Variants in KATNAL1 observed in about 807,000 individuals in gnomAD.
The protein encoded by KATNAL1 is katanin catalytic subunit A1 like 1.
KATNAL1 carries 32 observed loss-of-function variants against 55.2 expected under a neutral mutation model. That is an observed-to-expected ratio of 0.58 (90% CI 0.44 to 0.78). The LOEUF (loss-of-function observed/expected upper bound fraction) is 0.78, where lower values mean the gene tolerates loss of function less well. Among genes scored for constraint, KATNAL1 ranks in the 30% least tolerant of loss-of-function variants. KATNAL1 has a pLI of 0.00. For missense variants in KATNAL1, 466 were observed against 600.9 expected (o/e 0.78, Z 2.35); for synonymous variants, 193 against 193.6 (o/e 1.00, Z 0.02).
intron 1 of KATNAL1, among the ~76,000 whole-genome samples, chr13:30,304,396 A>T (rs952553825): frequency 2.6e-5 from 4 of 151,498 alleles, no homozygotes; most frequent in African/African-American, 9.7e-5. Context: ...CAGCCTCCTG[A>T]GTAGCTGGGA....
At chr13:30,241,150 C>T in intron 4 of KATNAL1, 64 bp from the exon 5 acceptor site, 2 of 1,364,266 alleles carry the variant, frequency 1.5e-6, no homozygotes, top group Non-Finnish European at 2.0e-6. Context: ...CATCATTACG[C>T]TTTGAAAACA....
intron 1 of KATNAL1, among the ~76,000 whole-genome samples, chr13:30,291,401 T>G (rs1882123149): frequency 6.6e-6 from 1 of 152,226 alleles, no homozygotes; most frequent in South Asian, 2.1e-4. Flanking sequence ...TATTAAAATC[T>G]AAGAGAATTA....
At chr13:30,236,747 C>T (rs1164033384) in intron 6 of KATNAL1, among the ~76,000 whole-genome samples, 2 of 152,178 alleles carry the variant, frequency 1.3e-5, no homozygotes, top group Non-Finnish European at 1.5e-5. Context: ...AGAAGTAGGT[C>T]ACACCAACCA....
At chr13:30,249,505 C>G (rs1008189146) in intron 4 of KATNAL1, among the ~76,000 whole-genome samples, 5 of 152,052 alleles carry the variant, frequency 3.3e-5, no homozygotes, top group Admixed American at 3.3e-4. Flanking sequence ...ACCCAAATAT[C>G]CATTAATAAG....
chr13:30,294,211 C>A (rs1188975369), intron 1 of KATNAL1, among the ~76,000 whole-genome samples: 1 of 152,146 alleles, frequency 6.6e-6, no homozygotes, highest in Non-Finnish European at 1.5e-5. Flanking sequence ...CTAAGCTTAG[C>A]AAGCAAGGCA....
At chr13:30,250,534 A>T (rs545390504) in intron 4 of KATNAL1, among the ~76,000 whole-genome samples, 20 of 152,206 alleles carry the variant, frequency 1.3e-4, no homozygotes, top group Non-Finnish European at 1.6e-4. Flanking sequence ...AATATTTTCT[A>T]TGAAGTCACT....
At chr13:30,221,932 T>A (rs988033380) in intron 9 of KATNAL1, among the ~76,000 whole-genome samples, 1 of 152,110 alleles carries the variant, frequency 6.6e-6, no homozygotes, top group African/African-American at 2.4e-5. Flanking sequence ...ACACCTGTAA[T>A]CCCAGCTACT....
chr13:30,280,347 CA>C, intron 2 of KATNAL1, 124 bp from the exon 3 acceptor site: 2 of 645,706 alleles, frequency 3.1e-6, no homozygotes, highest in Non-Finnish European at 4.7e-6. Context: ...ATCATTAAAA[CA>C]TTCATAAATA....
rs1317152308 is a variant in KATNAL1, at chr13:30,230,494, T to C, written c.986A>G (p.Lys329Arg). 20 of 1,613,408 alleles carry C rather than the reference T, an allele frequency of 1.2e-5. No individual in the cohort carries two copies. The highest frequency in any genetic ancestry group is 1.7e-5 in the Non-Finnish European group (20 of 1,179,792). ...SDEHEASRRV[K>R]SELLIQMDGV... is the part of the protein sequence containing the mutation. ...ATCCATCTGAATGAGCAGTTCAGAC[T>C]TGACCCTGCGACTTGCCTCATGTTC... Residue 329 changes from lysine to arginine, a missense_variant, in exon 8 of 11, where the codon AAG becomes AGG. Lys to Arg is a conservative substitution (Grantham distance 26). Coordinates refer to ENST00000380615, the MANE Select transcript of KATNAL1 (RefSeq NM_032116.5).
intron 1 of KATNAL1, among the ~76,000 whole-genome samples, chr13:30,296,933 C>A (rs1202658538): frequency 6.6e-6 from 1 of 151,988 alleles, no homozygotes; most frequent in African/African-American, 2.4e-5. Flanking sequence ...GACGCCCACT[C>A]CCGAGCCCGC....
At chr13:30,217,520 A>T (rs945541458) in intron 9 of KATNAL1, among the ~76,000 whole-genome samples, 1 of 152,218 alleles carries the variant, frequency 6.6e-6, no homozygotes, top group Non-Finnish European at 1.5e-5. Flanking sequence ...ATGTGTTGTT[A>T]ATCATAGTGT....
intron 9 of KATNAL1, among the ~76,000 whole-genome samples, chr13:30,214,943 A>G (rs1482054672): frequency 2.0e-5 from 3 of 152,110 alleles, no homozygotes; most frequent in Non-Finnish European, 4.4e-5. Flanking sequence ...TAAACTAAAG[A>G]GCTTCTGCAC....
intron 9 of KATNAL1, among the ~76,000 whole-genome samples, chr13:30,214,286 T>C (rs1047026995): frequency 2.1e-4 from 32 of 152,230 alleles, no homozygotes; most frequent in African/African-American, 7.7e-4. Context: ...TACAAAGAAA[T>C]GGAAGAACAT....
chr13:30,239,730 G>A (rs1330873271), intron 6 of KATNAL1, among the ~76,000 whole-genome samples: 2 of 143,750 alleles, frequency 1.4e-5, no homozygotes, highest in Non-Finnish European at 3.0e-5. Flanking sequence ...TCTGTTGCCA[G>A]GCTGGAGTGC....
chr13:30,231,855 A>C (rs3825532), intron 6 of KATNAL1, among the ~76,000 whole-genome samples: 14,063 of 152,238 alleles, frequency 0.092, 887 homozygotes, highest in East Asian at 0.33. Flanking sequence ...CACATGTGGC[A>C]GAATTACACA....
chr13:30,273,232 T>C (rs1355260655), intron 3 of KATNAL1, among the ~76,000 whole-genome samples: 1 of 152,240 alleles, frequency 6.6e-6, no homozygotes, highest in Non-Finnish European at 1.5e-5. Flanking sequence ...CTGGCTCCCT[T>C]TTTCAGCCAG....
At position 30,307,494 on chromosome 13, in the gene KATNAL1, C is replaced by G. The variant is rs1228081585; in HGVS notation, c.-178G>C. 6.6e-6 allele frequency: 1 copy of G among 152,090 alleles called. No individual in the cohort carries two copies. Among genetic ancestry groups the G allele is most frequent in the Middle Eastern group, 3.4e-3 (1 of 292 alleles). The allele number at this position is 152,090 out of a possible 1,614,324, so 9.4% of individuals were successfully genotyped here. ...ATGGCAGCCGCGGCCGCGCGGTGGGCGCAGCGCGGGAGGGAGCGCGGGGGC... is the reference window on the plus strand; with the variant it reads ...ATGGCAGCCGCGGCCGCGCGGTGGGGGCAGCGCGGGAGGGAGCGCGGGGGC... On this transcript the variant is annotated 5_prime_UTR_variant, in exon 1 of 11. Transcript: ENST00000380615.
intron 1 of KATNAL1, among the ~76,000 whole-genome samples, chr13:30,286,333 C>G (rs1214618389): frequency 6.6e-6 from 1 of 152,224 alleles, no homozygotes; most frequent in Non-Finnish European, 1.5e-5. Context: ...CAGGGCCCCT[C>G]TGCTGTGTGC....
intron 9 of KATNAL1, among the ~76,000 whole-genome samples, chr13:30,225,250 T>C (rs1278386397): frequency 1.2e-4 from 18 of 152,202 alleles, no homozygotes; most frequent in Admixed American, 1.2e-3. Context: ...TTCACATTCA[T>C]CATCTCTTCC....
Sources: gnomAD v4.1 joint callset for allele counts (sites outside exome capture counted in the v4.1 genomes callset) on GRCh38, gnomAD v4.1.1 for gene constraint, MANE v1.5 for transcripts, NCBI Gene and HGNC (gene_info 2026-07-23, HGNC 2026-07-21) for gene names.